Variants in PLPPR5 observed in about 807,000 individuals in gnomAD.
The protein encoded by PLPPR5 is phospholipid phosphatase related 5.
A neutral mutation model predicts 33.9 loss-of-function variants in PLPPR5; 16 were observed. The observed-to-expected ratio is 0.47, with a 90% confidence interval of 0.32 to 0.72. The LOEUF (loss-of-function observed/expected upper bound fraction) is 0.72. Among genes scored for constraint, PLPPR5 ranks in the 30% least tolerant of loss-of-function variants. PLPPR5 has a pLI of 0.03. For missense variants in PLPPR5, 301 were observed against 406.7 expected (o/e 0.74, Z 2.23); for synonymous variants, 163 against 150.3 (o/e 1.08, Z -0.62).
intron 2 of PLPPR5, among the ~76,000 whole-genome samples, chr1:98,954,157 C>T (rs1650916007): frequency 6.6e-6 from 1 of 152,152 alleles, no homozygotes; most frequent in African/African-American, 2.4e-5. Context: ...AAAACATTTT[C>T]TAAATTCAAA....
intron 1 of PLPPR5, among the ~76,000 whole-genome samples, chr1:98,964,973 A>ATTTTTTTTTTT (rs566402306): frequency 8.2e-6 from 1 of 121,446 alleles, no homozygotes; most frequent in Non-Finnish European, 1.7e-5. Context: ...TTAATTTTTG[A>ATTTTTTTTTTT]TTTTTTTTTT....
chr1:99,003,202 T>G (rs1345489885), intron 1 of PLPPR5, among the ~76,000 whole-genome samples: 1 of 150,936 alleles, frequency 6.6e-6, no homozygotes, highest in East Asian at 1.9e-4. Context: ...TTTAAGGTTA[T>G]CAAGAAATTA....
intron 1 of PLPPR5, among the ~76,000 whole-genome samples, chr1:99,000,669 T>A (rs943885655): frequency 6.6e-6 from 1 of 152,186 alleles, no homozygotes; most frequent in African/African-American, 2.4e-5. Flanking sequence ...TTTCCTCATG[T>A]CTCCAAACAA....
chr1:98,943,417 G>A (rs184985248), intron 3 of PLPPR5, among the ~76,000 whole-genome samples: 1 of 152,244 alleles, frequency 6.6e-6, no homozygotes, highest in Admixed American at 6.5e-5. Flanking sequence ...CTGGACACAG[G>A]GTCTGTGTAG....
intron 5 of PLPPR5, among the ~76,000 whole-genome samples, chr1:98,912,067 G>A (rs1417395493): frequency 2.0e-5 from 3 of 152,054 alleles, no homozygotes; most frequent in African/African-American, 7.2e-5. Flanking sequence ...CTATCCCTGG[G>A]CTAAATTCTA....
chr1:98,973,170 G>A lies in PLPPR5; in HGVS notation c.238-16429C>T, dbSNP rs142364355. ...CCTAATTGTTTAAATATCTAAGTCC[G>A]AGTTTTCTGTTATTTGCAGATGAAA... On this transcript the variant is annotated intron_variant, in intron 1 of 5. Transcript: ENST00000263177. 5.3e-5 allele frequency among the ~76,000 whole-genome samples: 8 copies of A among 152,126 alleles called. No individual in the cohort carries two copies. The East Asian group carries it at 9.7e-4, about 18-fold the overall frequency.
intron 1 of PLPPR5, among the ~76,000 whole-genome samples, chr1:98,959,205 T>G (rs990586370): frequency 2.6e-5 from 4 of 152,190 alleles, no homozygotes; most frequent in African/African-American, 9.7e-5. Flanking sequence ...CCTGACTTGA[T>G]AATTCTTTTT....
chr1:98,974,273 GAAGT>G (rs1279199778), intron 1 of PLPPR5, among the ~76,000 whole-genome samples: 2 of 152,028 alleles, frequency 1.3e-5, no homozygotes, highest in African/African-American at 2.4e-5. Flanking sequence ...GTGTCACAAA[GAAGT>G]AAGAGAAGTA....
intron 3 of PLPPR5, among the ~76,000 whole-genome samples, chr1:98,924,987 T>G (rs1649700500): frequency 6.6e-6 from 1 of 152,228 alleles, no homozygotes; most frequent in East Asian, 1.9e-4. Flanking sequence ...AATAATCAGT[T>G]GGCATGGATG....
intron 5 of PLPPR5, among the ~76,000 whole-genome samples, chr1:98,902,312 C>G (rs1648723327): frequency 6.6e-6 from 1 of 151,876 alleles, no homozygotes; most frequent in African/African-American, 2.4e-5. Context: ...CAGGGAAATT[C>G]TGTGTTCAAC....
intron 3 of PLPPR5, among the ~76,000 whole-genome samples, chr1:98,923,972 T>C (rs997767693): frequency 6.6e-6 from 1 of 152,220 alleles, no homozygotes; most frequent in Non-Finnish European, 1.5e-5. Flanking sequence ...TTCAGGCTTC[T>C]TGTGAGGTTT....
intron 5 of PLPPR5, among the ~76,000 whole-genome samples, chr1:98,897,961 A>C (rs1176925203): frequency 6.6e-6 from 1 of 152,156 alleles, no homozygotes; most frequent in African/African-American, 2.4e-5. Context: ...AAAGTTAAAA[A>C]AAGAAAAAGT....
chr1:98,954,854 G>T (rs1020535008), intron 2 of PLPPR5, among the ~76,000 whole-genome samples: 2 of 152,082 alleles, frequency 1.3e-5, no homozygotes, highest in African/African-American at 4.8e-5. Context: ...TTCTTCATTT[G>T]TACACCTTTG....
chr1:98,907,599 TG>T (rs1206620205), intron 5 of PLPPR5, among the ~76,000 whole-genome samples: 2 of 152,214 alleles, frequency 1.3e-5, no homozygotes, highest in Non-Finnish European at 2.9e-5. Context: ...TGATTATTCA[TG>T]CTTGAAATAG....
intron 1 of PLPPR5, among the ~76,000 whole-genome samples, chr1:98,984,372 C>T (rs1036974984): frequency 6.6e-6 from 1 of 152,016 alleles, no homozygotes; most frequent in Non-Finnish European, 1.5e-5. Context: ...ACTGAGTACA[C>T]CCCCTTCCAG....
chr1:98,953,414 A>G (rs1650874116), intron 2 of PLPPR5, 94 bp from the exon 3 acceptor site: 3 of 1,465,674 alleles, frequency 2.0e-6, no homozygotes, highest in African/African-American at 2.9e-5. Flanking sequence ...TTTACAATAA[A>G]CCAAAATGGA....
intron 1 of PLPPR5, among the ~76,000 whole-genome samples, chr1:98,983,221 A>T (rs979066770): frequency 7.2e-6 from 1 of 137,960 alleles, no homozygotes; most frequent in Non-Finnish European, 1.6e-5. Context: ...ATATCTCCCA[A>T]TGCTATCCCT....
At chr1:98,943,061 A>G (rs954891905) in intron 3 of PLPPR5, among the ~76,000 whole-genome samples, 1 of 152,218 alleles carries the variant, frequency 6.6e-6, no homozygotes, top group Non-Finnish European at 1.5e-5. Context: ...AAAGGGACTT[A>G]ATACACAGAA....
rs546966224 is a variant in PLPPR5, at chr1:98,961,410, G to A, written c.238-4669C>T. ...CAGCTTGACCTCAACAGAGGCTAAA[G>A]TAGATTGAGTTTGCCTTGAAGGCAG... On this transcript the variant is annotated intron_variant, in intron 1 of 5. Transcript: ENST00000263177. Among the ~76,000 whole-genome samples the A allele has an allele frequency of 3.1e-4, 47 of 152,296 alleles. 2 individuals carry two copies. In the South Asian group the frequency reaches 7.9e-3, roughly 25 times the overall value.
Sources: gnomAD v4.1 joint callset for allele counts (sites outside exome capture counted in the v4.1 genomes callset) on GRCh38, gnomAD v4.1.1 for gene constraint, MANE v1.5 for transcripts, NCBI Gene and HGNC (gene_info 2026-07-23, HGNC 2026-07-21) for gene names.